DISP1: variants seen among roughly 807,000 people sequenced by gnomAD.
DISP1 encodes protein dispatched homolog 1.
A neutral mutation model predicts 37.3 loss-of-function variants in DISP1; 30 were observed. That is an observed-to-expected ratio of 0.80 (90% confidence interval 0.60 to 1.09). The LOEUF (loss-of-function observed/expected upper bound fraction) is 1.09, where lower values mean the gene tolerates loss of function less well. DISP1 is among the 50% of genes least tolerant of loss of function. The probability of loss-of-function intolerance (pLI) is 0.00; values close to 1 mark genes in which losing one functional copy is unlikely to be tolerated. For synonymous variants in DISP1, 634 were observed against 690.2 expected, an observed-to-expected ratio of 0.92 and a Z score of 1.28; for missense variants, 1,598 against 1,879.5, an observed-to-expected ratio of 0.85 and a Z score of 2.77.
chr1:222,845,101 A>C (rs1460609549), intron 1 of DISP1, among the ~76,000 whole-genome samples: 4 of 152,202 alleles, frequency 2.6e-5, no homozygotes, highest in Non-Finnish European at 5.9e-5. Context: ...TCAAATCTCC[A>C]CTTAAAATAT....
intron 3 of DISP1, among the ~76,000 whole-genome samples, chr1:222,982,313 C>G (rs1417192702): frequency 2.0e-5 from 3 of 152,228 alleles, no homozygotes; most frequent in Non-Finnish European, 4.4e-5. Context: ...GAAAGGGTCT[C>G]AGGAACTCCC....
Position 223,005,419 on chromosome 1 carries a change from G to C in DISP1, c.4022G>C (p.Arg1341Thr). ...CACCACTGTCCCTGCCTGCAGGGCAGAGTAAAGCCAGCCGGAATGCAGAAT... is the reference window on the plus strand; with the variant it reads ...CACCACTGTCCCTGCCTGCAGGGCACAGTAAAGCCAGCCGGAATGCAGAAT... Reference protein sequence around the residue: ...HIHHCPCLQGRVKPAGMQNSL... With the variant: ...HIHHCPCLQGTVKPAGMQNSL... Residue 1341 changes from arginine to threonine, a missense_variant, in exon 9 of 9, where the codon AGA becomes ACA. Arg to Thr is a moderately conservative substitution (Grantham distance 71, BLOSUM62 -1). Coordinates refer to ENST00000675850, the MANE Select transcript of DISP1 (RefSeq NM_001377229.1). 6.2e-7 allele frequency: 1 copy of C among 1,613,570 alleles called. No individual in the cohort carries two copies. The highest frequency in any genetic ancestry group is 8.5e-7 in the Non-Finnish European group (1 of 1,180,038).
chr1:222,982,936 G>A (rs1677942125), intron 3 of DISP1, 144 bp from the exon 4 acceptor site: 4 of 629,940 alleles, frequency 6.3e-6, no homozygotes, highest in Non-Finnish European at 1.1e-5. Context: ...CAAATAGATT[G>A]CCTTTTTTTT....
intron 1 of DISP1, among the ~76,000 whole-genome samples, chr1:222,858,724 T>A (rs79888814): frequency 8.2e-5 from 9 of 109,098 alleles, no homozygotes; most frequent in African/African-American, 2.9e-4. Flanking sequence ...ACAAACTTTT[T>A]AAAAAAAAGC....
intron 1 of DISP1, among the ~76,000 whole-genome samples, chr1:222,884,085 A>G (rs761378174): frequency 1.3e-5 from 2 of 152,160 alleles, no homozygotes; most frequent in Non-Finnish European, 2.9e-5. Flanking sequence ...CTGCTGCTGA[A>G]TAAACTTCCC....
intron 1 of DISP1, among the ~76,000 whole-genome samples, chr1:222,908,258 C>T (rs574640742): frequency 1.3e-4 from 19 of 151,974 alleles, no homozygotes; most frequent in Non-Finnish European, 1.9e-4. Context: ...GGTTGTGTGC[C>T]GAAGGATCAC....
At chr1:222,833,395 A>C (rs1352256843) in intron 1 of DISP1, among the ~76,000 whole-genome samples, 1 of 152,150 alleles carries the variant, frequency 6.6e-6, no homozygotes, top group African/African-American at 2.4e-5. Context: ...AGTGGTATTT[A>C]ATATTTGTAT....
intron 1 of DISP1, chr1:222,872,515 G>C (rs1669651534): frequency 1.3e-5 from 2 of 152,186 alleles, no homozygotes; most frequent in South Asian, 4.1e-4. Flanking sequence ...TTAGTCTTGG[G>C]AGAGTGTATG....
At chr1:222,977,528 T>A (rs569851348) in intron 3 of DISP1, among the ~76,000 whole-genome samples, 981 of 81,850 alleles carry the variant, frequency 0.012, 9 homozygotes, top group Non-Finnish European at 0.017. Flanking sequence ...CTTTTTTTTT[T>A]AAATTCTTTT....
intron 3 of DISP1, among the ~76,000 whole-genome samples, chr1:222,962,602 A>G (rs1376394886): frequency 6.6e-6 from 1 of 152,210 alleles, no homozygotes; most frequent in East Asian, 1.9e-4. Context: ...CTGTAACAGA[A>G]CAGAGACCCC....
intron 2 of DISP1, among the ~76,000 whole-genome samples, chr1:222,937,918 G>A (rs1452805194): frequency 6.6e-6 from 1 of 150,742 alleles, no homozygotes; most frequent in African/African-American, 2.5e-5. Flanking sequence ...CTACCACCCA[G>A]GCTGGAATGC....
At chr1:222,989,512 C>A in intron 4 of DISP1, 1 of 985,366 alleles carries the variant, frequency 1.0e-6, no homozygotes, top group Non-Finnish European at 1.2e-6. Flanking sequence ...AGAAACAGAT[C>A]TTTCAATTTG....
At chr1:222,975,179 C>T (rs1016488194) in intron 3 of DISP1, among the ~76,000 whole-genome samples, 2 of 151,964 alleles carry the variant, frequency 1.3e-5, no homozygotes, top group Non-Finnish European at 2.9e-5. Flanking sequence ...GTGCATGCCA[C>T]CACCCCAGCT....
chr1:222,967,215 T>G lies in DISP1; in HGVS notation c.510-15865T>G, dbSNP rs1003149856. Among the ~76,000 whole-genome samples, 6 of 152,284 alleles carry G rather than the reference T, an allele frequency of 3.9e-5. No individual in the cohort carries two copies. In the South Asian group the frequency reaches 1.2e-3, roughly 32 times the overall value. ...AAGATGGCAACATTAAGCAGCATTTTGATTTCAGAATCTGAGAAGTGGAGG... is the reference window on the plus strand; with the variant it reads ...AAGATGGCAACATTAAGCAGCATTTGGATTTCAGAATCTGAGAAGTGGAGG... On this transcript the variant is annotated intron_variant, in intron 3 of 8. Transcript: ENST00000675850.
chr1:222,833,489 A>G (rs1185501997), intron 1 of DISP1, among the ~76,000 whole-genome samples: 1 of 152,204 alleles, frequency 6.6e-6, no homozygotes, highest in Non-Finnish European at 1.5e-5. Context: ...TAGTTTAGTT[A>G]TATATTCAAA....
chr1:222,818,735 G>A (rs1369337333), intron 1 of DISP1, among the ~76,000 whole-genome samples: 1 of 152,104 alleles, frequency 6.6e-6, no homozygotes, highest in African/African-American at 2.4e-5. Flanking sequence ...CAACATTACG[G>A]AAGGTAATCT....
intron 4 of DISP1, among the ~76,000 whole-genome samples, chr1:222,987,168 A>G (rs1016586106): frequency 6.6e-6 from 1 of 152,082 alleles, no homozygotes; most frequent in Non-Finnish European, 1.5e-5. Context: ...TCTTCATATT[A>G]CAACCATTGT....
In DISP1 at chr1:222,934,418, A is replaced by G. The variant is rs75080695; in HGVS notation, c.-18+5848A>G. Among the ~76,000 whole-genome samples, 1,015 of 152,192 alleles carry G rather than the reference A, an allele frequency of 6.7e-3. 16 individuals are homozygous for G. The highest frequency in any genetic ancestry group is 0.023 in the African/African-American group (941 of 41,546). On this transcript the variant is annotated intron_variant, in intron 2 of 8. Coordinates refer to ENST00000675850, the MANE Select transcript of DISP1 (RefSeq NM_001377229.1). ...TATTTGTAGAGACAATACTTGCCTG[A>G]TTTGGCTTCTGCGTAGCCCCACTAT...
At chr1:222,994,038 G>A (rs1316097448) in intron 7 of DISP1, among the ~76,000 whole-genome samples, 1 of 152,094 alleles carries the variant, frequency 6.6e-6, no homozygotes, top group African/African-American at 2.4e-5. Context: ...TGTTTTATGT[G>A]GTTCATATTC....
Sources: allele counts gnomAD v4.1 joint callset (sites outside exome capture counted in the v4.1 genomes callset), GRCh38; gene constraint gnomAD v4.1.1; transcripts MANE v1.5; gene names NCBI Gene and HGNC (gene_info 2026-07-23, HGNC 2026-07-21).